The following KITLG variants were observed in gnomAD, a reference collection of about 807,000 sequenced individuals.
KITLG encodes the protein c-Kit ligand.
Under a neutral mutation model 34.1 loss-of-function variants are expected in KITLG, and 13 were observed. The ratio of observed to expected loss-of-function variants is 0.38; its 90% CI spans 0.25 to 0.61. The LOEUF (loss-of-function observed/expected upper bound fraction) is 0.61. KITLG is among the 20% of genes least tolerant of loss of function. The pLI is 0.60. For synonymous variants in KITLG, 110 were observed against 104.0 expected (o/e 1.06, Z -0.35); for missense variants, 292 against 318.9 (o/e 0.92, Z 0.64).
intron 1 of KITLG, among the ~76,000 whole-genome samples, chr12:88,552,004 A>G (rs948197770): frequency 6.6e-6 from 1 of 152,096 alleles, no homozygotes; most frequent in African/African-American, 2.4e-5. Context: ...CCTTGCTGGC[A>G]TTGAAAATAG....
intron 6 of KITLG, among the ~76,000 whole-genome samples, chr12:88,507,534 A>G (rs1464388538): frequency 6.6e-6 from 1 of 152,184 alleles, no homozygotes; most frequent in East Asian, 1.9e-4. Context: ...TAAACATGAC[A>G]TTTTACAACC....
intron 1 of KITLG, among the ~76,000 whole-genome samples, chr12:88,566,190 G>A (rs1871437086): frequency 6.6e-6 from 1 of 152,124 alleles, no homozygotes; most frequent in African/African-American, 2.4e-5. Flanking sequence ...GTTTATACAG[G>A]ACAGTGTTAC....
In KITLG at chr12:88,552,164, A is replaced by C. The variant is rs182751305; in HGVS notation, c.16-6299T>G. The stretch of plus-strand genomic sequence containing the variant: ...GCCTTATTTTGAACATTTGATCTTC[A>C]AAATTATGATAATTTTTTTTTTTTT... On this transcript the variant is annotated intron_variant, in intron 1 of 9. Coordinates refer to ENST00000644744, the MANE Select transcript of KITLG (RefSeq NM_000899.5). Among the ~76,000 whole-genome samples the C allele has an allele frequency of 1.3e-3, 198 of 151,812 alleles. 1 individual carries two copies. The highest frequency in any genetic ancestry group is 4.6e-3 in the South Asian group (22 of 4,816).
At chr12:88,532,530 T>C (rs763497596) in intron 2 of KITLG, 27 bp from the exon 3 acceptor site, 1 of 1,509,414 alleles carries the variant, frequency 6.6e-7, no homozygotes, top group Admixed American at 1.7e-5. Flanking sequence ...AAAAATTCCA[T>C]AAGAAAATTC....
chr12:88,500,913 G>A (rs1461197238), intron 9 of KITLG, among the ~76,000 whole-genome samples: 6 of 152,200 alleles, frequency 3.9e-5, no homozygotes, highest in African/African-American at 1.4e-4. Flanking sequence ...CTGAGTAGCT[G>A]AGACCATAGG....
At chr12:88,534,113 CAT>C (rs1373207506) in intron 2 of KITLG, among the ~76,000 whole-genome samples, 1 of 152,156 alleles carries the variant, frequency 6.6e-6, no homozygotes, top group Non-Finnish European at 1.5e-5. Context: ...ATCCCGCTGA[CAT>C]ATTACCTCTA....
intron 1 of KITLG, among the ~76,000 whole-genome samples, chr12:88,578,339 G>C (rs890689753): frequency 6.6e-6 from 1 of 152,096 alleles, no homozygotes; most frequent in Admixed American, 6.6e-5. Flanking sequence ...TTGCCTACAA[G>C]CCGTTTAACA....
At chr12:88,539,945 C>T (rs1870464601) in intron 2 of KITLG, among the ~76,000 whole-genome samples, 1 of 151,912 alleles carries the variant, frequency 6.6e-6, no homozygotes, top group South Asian at 2.1e-4. Flanking sequence ...ATGACAACTT[C>T]AGGAGGCTTT....
At chr12:88,509,580 T>C (rs972073436) in intron 6 of KITLG, among the ~76,000 whole-genome samples, 2 of 152,014 alleles carry the variant, frequency 1.3e-5, no homozygotes, top group Admixed American at 6.6e-5. Flanking sequence ...GCAGCAATCT[T>C]CCTGCAGGAG....
intron 3 of KITLG, among the ~76,000 whole-genome samples, chr12:88,524,547 G>T (rs1289339834): frequency 6.6e-6 from 1 of 151,724 alleles, no homozygotes; most frequent in Non-Finnish European, 1.5e-5. Context: ...GATACATGGG[G>T]CTAAATAAAT....
intron 1 of KITLG, among the ~76,000 whole-genome samples, chr12:88,564,615 C>T (rs1399741849): frequency 2.0e-5 from 3 of 151,840 alleles, no homozygotes; most frequent in Non-Finnish European, 4.4e-5. Flanking sequence ...CTTTTTGGAG[C>T]TTTTCTTTGC....
chr12:88,553,245 A>G (rs1358704913), intron 1 of KITLG, among the ~76,000 whole-genome samples: 1 of 152,216 alleles, frequency 6.6e-6, no homozygotes, highest in South Asian at 2.1e-4. Context: ...GTTCCAATAT[A>G]TCAACAAAAT....
chr12:88,535,294 T>C (rs1870267293), intron 2 of KITLG, among the ~76,000 whole-genome samples: 1 of 152,188 alleles, frequency 6.6e-6, no homozygotes, highest in Non-Finnish European at 1.5e-5. Context: ...AAGTAATTTA[T>C]TCGTTAAGCT....
intron 1 of KITLG, among the ~76,000 whole-genome samples, chr12:88,574,295 AAAAAAAAAG>A (rs1871758619): frequency 6.6e-6 from 1 of 151,810 alleles, no homozygotes; most frequent in South Asian, 2.2e-4. Context: ...TAAAAGAAAA[AAAAAAAAAG>A]AAAAAAAGAA....
chr12:88,580,102 G>A, intron 1 of KITLG, 162 bp downstream of exon 1: 1 of 755,524 alleles, frequency 1.3e-6, no homozygotes, highest in Non-Finnish European at 2.3e-6. Context: ...GCTCGGCTCG[G>A]GATCACACAC....
At chr12:88,519,714 C>G (rs58885752) in intron 3 of KITLG, among the ~76,000 whole-genome samples, 6,289 of 152,098 alleles carry the variant, frequency 0.041, 393 homozygotes, top group African/African-American at 0.13. Context: ...TGTTGAATTC[C>G]TGGGCCCAAG....
intron 1 of KITLG, among the ~76,000 whole-genome samples, chr12:88,550,927 A>G (rs538138419): frequency 6.6e-6 from 1 of 152,216 alleles, no homozygotes; most frequent in African/African-American, 2.4e-5. Context: ...ACAGACTGCT[A>G]TAATAATTGA....
intron 2 of KITLG, among the ~76,000 whole-genome samples, chr12:88,537,034 G>C (rs944753639): frequency 1.3e-5 from 2 of 152,096 alleles, no homozygotes; most frequent in African/African-American, 2.4e-5. Context: ...AGAGAAAAGG[G>C]AATGCATATA....
Position 88,495,750 on chromosome 12 carries a change from A to G in KITLG, c.*1469T>C, listed in dbSNP as rs1294299905. 6 of 152,306 alleles carry G rather than the reference A, an allele frequency of 3.9e-5. No homozygotes were observed. Among genetic ancestry groups the G allele is most frequent in the Non-Finnish European group, 8.8e-5 (6 of 68,030 alleles). 9.4% of individuals were successfully genotyped at this position (152,306 alleles called of 1,614,324 possible). On this transcript the variant is annotated 3_prime_UTR_variant, in exon 10 of 10. Transcript: ENST00000644744. The stretch of plus-strand genomic sequence containing the variant: ...AACTGTCATCTTACGGTTGTAGAAC[A>G]TGGCAATAATGTTATCACAAAGATT...
Sources: allele counts gnomAD v4.1 joint callset (sites outside exome capture counted in the v4.1 genomes callset), GRCh38; gene constraint gnomAD v4.1.1; transcripts MANE v1.5; gene names NCBI Gene and HGNC (gene_info 2026-07-23, HGNC 2026-07-21).